RPS6KA2: variants seen among roughly 807,000 people sequenced by gnomAD.
The protein encoded by RPS6KA2 is ribosomal protein S6 kinase A2.
A neutral mutation model predicts 91.8 loss-of-function variants in RPS6KA2; 42 were observed. The ratio of observed to expected loss-of-function variants is 0.46; its 90% CI spans 0.36 to 0.59. The LOEUF is 0.59. RPS6KA2 is among the 20% of genes least tolerant of loss of function. The pLI, the probability that RPS6KA2 is intolerant of heterozygous loss-of-function variation, is 0.00. For missense variants in RPS6KA2, 798 were observed against 978.5 expected (o/e 0.82, Z 2.46); for synonymous variants, 414 against 393.6 (o/e 1.05, Z -0.61).
intron 2 of RPS6KA2, among the ~76,000 whole-genome samples, chr6:166,830,125 CAAA>C (rs34980248): frequency 4.0e-5 from 4 of 99,574 alleles, no homozygotes; most frequent in South Asian, 3.3e-4. Flanking sequence ...AACTCCATTT[CAAA>C]AAAAAAAAAA....
At chr6:166,477,011 C>T (rs1015002070) in intron 10 of RPS6KA2, among the ~76,000 whole-genome samples, 2 of 152,138 alleles carry the variant, frequency 1.3e-5, no homozygotes, top group East Asian at 1.9e-4. Context: ...ATAAGGCTCA[C>T]GGCAGTCAGA....
At chr6:166,833,529 C>T (rs560351996) in intron 2 of RPS6KA2, among the ~76,000 whole-genome samples, 38 of 152,332 alleles carry the variant, frequency 2.5e-4, no homozygotes, top group South Asian at 1.0e-3. Flanking sequence ...CTGCCCTAAA[C>T]GCTTCCCTCA....
intron 2 of RPS6KA2, among the ~76,000 whole-genome samples, chr6:166,755,162 C>T (rs529330457): frequency 6.6e-6 from 1 of 152,318 alleles, no homozygotes; most frequent in South Asian, 2.1e-4. Flanking sequence ...TTTGCATCCA[C>T]GCATACTTCT....
At chr6:166,661,113 G>C (rs1176271638) in intron 2 of RPS6KA2, among the ~76,000 whole-genome samples, 1 of 90,562 alleles carries the variant, frequency 1.1e-5, no homozygotes, top group Admixed American at 1.1e-4. Context: ...TCTTTTTGTT[G>C]TTGTTGAGAC....
At position 166,418,566 on chromosome 6, in the gene RPS6KA2, A is replaced by G. The variant is rs1384505156; in HGVS notation, c.1821-224T>C. ...CTAGAGGTTGATGGGCAAGTGGGAG[A>G]GCCCTGTGAGACCTGTGCTGTATCC... On this transcript the variant is annotated intron_variant, in intron 18 of 20. Transcript: ENST00000265678. The surrounding 1 kb of genome is among the most constrained non-coding windows in gnomAD (Gnocchi z 4.9). 2.6e-5 allele frequency among the ~76,000 whole-genome samples: 4 copies of G among 152,128 alleles called. No homozygotes were observed. Among genetic ancestry groups the G allele is most frequent in the African/African-American group, 9.7e-5 (4 of 41,412 alleles).
rs16898923 is a variant in RPS6KA2 at position 166,430,749 on chromosome 6, T to C, written c.1423-138A>G. 9.5e-3 allele frequency: 7,591 copies of C among 794,906 alleles called. 394 individuals carry two copies. In the African/African-American group the frequency reaches 0.11, roughly 12 times the overall value. 49.2% of individuals were successfully genotyped at this position (794,906 alleles called of 1,614,324 possible). Reference sequence around the variant, plus strand: ...GTCCTATGGGAGTGCAAACAAGGCTTCTGCAGGGTAGAAGCAAATGGCCAT... The same window carrying C: ...GTCCTATGGGAGTGCAAACAAGGCTCCTGCAGGGTAGAAGCAAATGGCCAT... On this transcript the variant is annotated intron_variant, in intron 15 of 20. Coordinates refer to ENST00000265678, the MANE Select transcript of RPS6KA2 (RefSeq NM_021135.6).
At chr6:166,858,614 C>T (rs148239959) in intron 1 of RPS6KA2, among the ~76,000 whole-genome samples, 14 of 152,302 alleles carry the variant, frequency 9.2e-5, no homozygotes, top group Middle Eastern at 3.4e-3. Flanking sequence ...AGCTAAAATA[C>T]GAACGGAGCT....
At chr6:166,633,115 G>A (rs767016815) in intron 2 of RPS6KA2, among the ~76,000 whole-genome samples, 14 of 152,222 alleles carry the variant, frequency 9.2e-5, no homozygotes, top group Middle Eastern at 3.2e-3. Context: ...AGCTACTTGG[G>A]AGGCTGAAGT....
chr6:166,588,524 A>T (rs1785255905), intron 1 of RPS6KA2, among the ~76,000 whole-genome samples: 1 of 152,188 alleles, frequency 6.6e-6, no homozygotes, highest in Non-Finnish European at 1.5e-5. Flanking sequence ...GGGAACTTGC[A>T]GCACGTCGCT....
intron 2 of RPS6KA2, among the ~76,000 whole-genome samples, chr6:166,739,094 C>T (rs1322019754): frequency 6.6e-6 from 1 of 151,948 alleles, no homozygotes; most frequent in Non-Finnish European, 1.5e-5. Context: ...AGAAAAACAC[C>T]CTAACATCAG....
intron 2 of RPS6KA2, among the ~76,000 whole-genome samples, chr6:166,764,168 G>C (rs1316966917): frequency 6.6e-6 from 1 of 152,332 alleles, no homozygotes; most frequent in East Asian, 1.9e-4. Flanking sequence ...GCGTGAGTGA[G>C]AGGGTGAGAG....
chr6:166,664,371 A>G (rs1788256410), intron 2 of RPS6KA2, among the ~76,000 whole-genome samples: 1 of 152,258 alleles, frequency 6.6e-6, no homozygotes, highest in Admixed American at 6.5e-5. Flanking sequence ...ACTGTTGGTC[A>G]TGGTCAATGT....
chr6:166,718,645 CAT>C, intron 2 of RPS6KA2, among the ~76,000 whole-genome samples: 1 of 152,288 alleles, frequency 6.6e-6, no homozygotes, highest in African/African-American at 2.4e-5. Context: ...TTAATGAGGA[CAT>C]GCACCCGAGA....
At chr6:166,599,356 T>C (rs1166176700) in intron 1 of RPS6KA2, among the ~76,000 whole-genome samples, 1 of 152,186 alleles carries the variant, frequency 6.6e-6, no homozygotes, top group East Asian at 1.9e-4. Context: ...TGGTAAACAG[T>C]GTCTCTGGTT....
intron 2 of RPS6KA2, among the ~76,000 whole-genome samples, chr6:166,783,149 A>G (rs1481464624): frequency 6.6e-6 from 1 of 150,772 alleles, no homozygotes; most frequent in African/African-American, 2.4e-5. Flanking sequence ...AGTGCAGTGG[A>G]GGCTTCACAG....
Position 166,665,631 on chromosome 6 carries a change from C to T in RPS6KA2, c.124-126847G>A, listed in dbSNP as rs1410671647. ...TGAAAGACTCCAGAGCCAGTGCGAC[C>T]CTCATTAGAACAAGCACCGGAGACA... On this transcript the variant is annotated intron_variant, in intron 2 of 21. Transcript: ENST00000503859. This position sits in a 1 kb window ranked among gnomAD's most constrained non-coding sequence, Gnocchi z 4.5. Among the ~76,000 whole-genome samples, 3 of 152,128 alleles carry T rather than the reference C, an allele frequency of 2.0e-5. No homozygotes were observed. The highest frequency in any genetic ancestry group is 4.4e-5 in the Non-Finnish European group (3 of 68,032).
intron 2 of RPS6KA2, among the ~76,000 whole-genome samples, chr6:166,644,152 T>C (rs908282358): frequency 4.6e-5 from 7 of 152,146 alleles, no homozygotes; most frequent in African/African-American, 1.7e-4. Flanking sequence ...TTTCCTCTTT[T>C]TAAGCCAGTA....
chr6:166,494,365 C>T lies in RPS6KA2; in HGVS notation c.748-3624G>A, dbSNP rs936656605. On this transcript the variant is annotated intron_variant, in intron 8 of 20. Transcript: ENST00000265678. This position sits in a 1 kb window ranked among gnomAD's most constrained non-coding sequence, Gnocchi z 5.1. ...CGTCTACAGATGAATGGTCCAGTGG[C>T]AAGCAGCAGAGCCTGAGCTCAGAAC... Among the ~76,000 whole-genome samples, 1 of 152,198 alleles carries T rather than the reference C, an allele frequency of 6.6e-6. No individual in the cohort carries two copies. Among genetic ancestry groups the T allele is most frequent in the Non-Finnish European group, 1.5e-5 (1 of 68,034 alleles).
Position 166,423,779 on chromosome 6 carries a change from A to C in RPS6KA2, c.1582-362T>G. ...AGGAATGAAAAGCATTTTAAAGATGATATTCATTCAATAACTACTCCCTGT... is the reference window on the plus strand; with the variant it reads ...AGGAATGAAAAGCATTTTAAAGATGCTATTCATTCAATAACTACTCCCTGT... On this transcript the variant is annotated intron_variant, in intron 16 of 20. Coordinates refer to ENST00000265678, the MANE Select transcript of RPS6KA2 (RefSeq NM_021135.6). This position sits in a 1 kb window ranked among gnomAD's most constrained non-coding sequence, Gnocchi z 4.8. The C allele has an allele frequency of 5.5e-6, 1 of 183,000 alleles. No individual in the cohort carries two copies. Among genetic ancestry groups the C allele is most frequent in the Non-Finnish European group, 1.1e-5 (1 of 87,836 alleles). The allele number at this position is 183,000 out of a possible 1,614,324, so 11.3% of individuals were successfully genotyped here. A position where few individuals can be genotyped will look rare whatever the true frequency, so the allele number is the denominator to read the frequency against.
Sources: gnomAD v4.1 joint callset for allele counts (sites outside exome capture counted in the v4.1 genomes callset) on GRCh38, gnomAD v4.1.1 for gene constraint, Gnocchi (gnomAD v3.1) non-coding constraint, MANE v1.5 for transcripts, NCBI Gene and HGNC (gene_info 2026-07-23, HGNC 2026-07-21) for gene names.